The following SCEL variants were observed in gnomAD, a reference collection of about 807,000 sequenced individuals.
The protein encoded by SCEL is sciellin.
SCEL carries 113 observed loss-of-function variants against 117.6 expected under a neutral mutation model. The ratio of observed to expected loss-of-function variants is 0.96; its 90% CI spans 0.83 to 1.12. The LOEUF (loss-of-function observed/expected upper bound fraction) is 1.12. Among genes scored for constraint, SCEL ranks in the 50% most tolerant of loss-of-function variants. The pLI is 0.00. For synonymous variants in SCEL, 270 were observed against 256.2 expected (o/e 1.05, Z -0.51); for missense variants, 785 against 810.8 (o/e 0.97, Z 0.39).
chr13:77,593,297 T>TGTGCGCGCGCG (rs776632183), intron 11 of SCEL, among the ~76,000 whole-genome samples: 1 of 117,108 alleles, frequency 8.5e-6, no homozygotes, highest in Non-Finnish European at 1.9e-5. Context: ...TGTGTGTGTG[T>TGTGCGCGCGCG]CTGTGTGTGT....
At chr13:77,587,250 G>A (rs1407388880) in intron 9 of SCEL, among the ~76,000 whole-genome samples, 1 of 151,982 alleles carries the variant, frequency 6.6e-6, no homozygotes, top group Non-Finnish European at 1.5e-5. Context: ...TCTTGCTGCT[G>A]TGAATGAGCC....
intron 8 of SCEL, among the ~76,000 whole-genome samples, chr13:77,570,204 C>G (rs1272641065): frequency 6.6e-6 from 1 of 152,186 alleles, no homozygotes; most frequent in African/African-American, 2.4e-5. Context: ...GCTGACTTTG[C>G]CATGGTGCTG....
At chr13:77,564,975 G>C (rs2085206567) in intron 5 of SCEL, among the ~76,000 whole-genome samples, 1 of 152,200 alleles carries the variant, frequency 6.6e-6, no homozygotes, top group African/African-American at 2.4e-5. Flanking sequence ...GGTGCATAGA[G>C]AAGAGGTATA....
intron 21 of SCEL, among the ~76,000 whole-genome samples, chr13:77,609,759 T>C (rs535760938): frequency 2.0e-5 from 3 of 152,290 alleles, no homozygotes; most frequent in African/African-American, 7.2e-5. Context: ...TGTCATAGGA[T>C]TGATGTGAGT....
chr13:77,602,805 C>T, intron 17 of SCEL, 92 bp downstream of exon 17: 3 of 1,111,336 alleles, frequency 2.7e-6, no homozygotes, highest in Non-Finnish European at 4.1e-6. Context: ...TTTGGCTTCT[C>T]TCTTCTGTGT....
chr13:77,568,292 C>T lies in SCEL; in HGVS notation c.360-3C>T. On this transcript the variant is annotated splice_polypyrimidine_tract_variant and splice_region_variant and intron_variant, in intron 6 of 32. Coordinates refer to ENST00000349847, the MANE Select transcript of SCEL (RefSeq NM_144777.3). ...AAACTTTGCTTTCTTTCTCTCTTAC[C>T]AGGAGCATGTCCATGTTTAGATCAC... is the stretch of plus-strand genomic sequence containing the variant. 6.4e-7 allele frequency: 1 copy of T among 1,556,242 alleles called. No individual in the cohort carries two copies. The highest frequency in any genetic ancestry group is 1.7e-5 in the Admixed American group (1 of 58,102).
In SCEL at chr13:77,605,347, C is replaced by T. The variant is rs1447402323; in HGVS notation, c.1157+932C>T. Among the ~76,000 whole-genome samples the T allele has an allele frequency of 2.9e-4, 44 of 152,046 alleles. 2 individuals are homozygous for T. Among genetic ancestry groups the T allele is most frequent in the Admixed American group, 2.9e-3 (44 of 15,256 alleles). On this transcript the variant is annotated intron_variant, in intron 19 of 32. Transcript: ENST00000349847. ...GTAGGTGTGGCATGGTCAGAGGCACCGCGACCCAATGAATTCAAGGCTTGC... is the reference window on the plus strand; with the variant it reads ...GTAGGTGTGGCATGGTCAGAGGCACTGCGACCCAATGAATTCAAGGCTTGC...
At chr13:77,554,284 G>A (rs1424859596) in intron 1 of SCEL, among the ~76,000 whole-genome samples, 4 of 152,152 alleles carry the variant, frequency 2.6e-5, no homozygotes, top group Non-Finnish European at 4.4e-5. Context: ...TGTAGTGAGT[G>A]GGGAGGTTGT....
intron 12 of SCEL, among the ~76,000 whole-genome samples, chr13:77,594,048 C>T (rs2087076956): frequency 1.3e-5 from 2 of 152,038 alleles, no homozygotes; most frequent in South Asian, 2.1e-4. Flanking sequence ...CATGCATGCA[C>T]GAATTAAACA....
intron 1 of SCEL, among the ~76,000 whole-genome samples, chr13:77,550,163 A>C (rs2084225843): frequency 6.6e-6 from 1 of 151,942 alleles, no homozygotes; most frequent in African/African-American, 2.4e-5. Flanking sequence ...AGGCAGGTGG[A>C]TGGCTTGAGG....
At chr13:77,546,639 T>A (rs1423060341) in intron 1 of SCEL, among the ~76,000 whole-genome samples, 2 of 151,580 alleles carry the variant, frequency 1.3e-5, no homozygotes, top group Non-Finnish European at 2.9e-5. Flanking sequence ...CACGATGGCT[T>A]AGTGACATGG....
At chr13:77,624,632 G>T (rs1020959603) in intron 27 of SCEL, among the ~76,000 whole-genome samples, 2 of 152,150 alleles carry the variant, frequency 1.3e-5, no homozygotes, top group Non-Finnish European at 2.9e-5. Flanking sequence ...ACAAAGCCAG[G>T]ACTGAGAGCT....
intron 30 of SCEL, among the ~76,000 whole-genome samples, chr13:77,638,628 A>T (rs2090416708): frequency 6.6e-6 from 1 of 152,134 alleles, no homozygotes; most frequent in Non-Finnish European, 1.5e-5. Flanking sequence ...CAGTTATACA[A>T]CCTTTTGCTG....
At chr13:77,547,886 C>T (rs143697705) in intron 1 of SCEL, among the ~76,000 whole-genome samples, 2 of 152,304 alleles carry the variant, frequency 1.3e-5, no homozygotes, top group African/African-American at 4.8e-5. Flanking sequence ...CTGGCTTCAT[C>T]CCAGAACCTC....
chr13:77,624,662 A>G (rs958762264), intron 27 of SCEL, among the ~76,000 whole-genome samples: 1 of 152,240 alleles, frequency 6.6e-6, no homozygotes, highest in Admixed American at 6.5e-5. Context: ...GGAAAGAAAT[A>G]TAATATATGC....
intron 23 of SCEL, among the ~76,000 whole-genome samples, chr13:77,613,633 C>G (rs747386761): frequency 1.5e-4 from 23 of 151,916 alleles, no homozygotes; most frequent in Non-Finnish European, 3.2e-4. Flanking sequence ...ACTTAGGTAT[C>G]TGGCCCCAGG....
chr13:77,636,963 T>C (rs1297455460), intron 29 of SCEL, among the ~76,000 whole-genome samples, 157 bp from the exon 30 acceptor site: 3 of 152,142 alleles, frequency 2.0e-5, no homozygotes, highest in African/African-American at 7.2e-5. Flanking sequence ...GTATCAATAT[T>C]TCTACAGATT....
At chr13:77,569,107 T>C (rs1249741227) in intron 7 of SCEL, among the ~76,000 whole-genome samples, 1 of 152,268 alleles carries the variant, frequency 6.6e-6, no homozygotes, top group Non-Finnish European at 1.5e-5. Flanking sequence ...AATTGATTTG[T>C]CTGAATTTCC....
chr13:77,614,847 A>G (rs1378295595), intron 24 of SCEL, among the ~76,000 whole-genome samples: 2 of 152,134 alleles, frequency 1.3e-5, no homozygotes, highest in African/African-American at 4.8e-5. Flanking sequence ...CTGAGCACCT[A>G]CTGGGTTCAC....
Sources: allele counts gnomAD v4.1 joint callset (sites outside exome capture counted in the v4.1 genomes callset), GRCh38; gene constraint gnomAD v4.1.1; transcripts MANE v1.5; gene names NCBI Gene and HGNC (gene_info 2026-07-23, HGNC 2026-07-21).